FLACC1: variants seen among roughly 807,000 people sequenced by gnomAD.
FLACC1 encodes flagellum associated containing coiled-coil domains 1.
In FLACC1, 66 loss-of-function variants were observed where a neutral mutation model predicts 62.8. The ratio of observed to expected loss-of-function variants is 1.05; its 90% confidence interval spans 0.86 to 1.29. The LOEUF is 1.29. Among genes scored for constraint, FLACC1 ranks in the 50% most tolerant of loss-of-function variants. FLACC1 has a pLI of 0.00. For missense variants in FLACC1, 452 were observed against 489.1 expected (o/e 0.92, Z 0.71); for synonymous variants, 156 against 161.0 (o/e 0.97, Z 0.24).
At chr2:201,293,827 C>T (rs10180658) in intron 12 of FLACC1, among the ~76,000 whole-genome samples, 81,275 of 150,666 alleles carry the variant, frequency 0.54, 22,715 homozygotes, top group East Asian at 0.68. Context: ...CAAAAAAAAA[C>T]GATAAAGGGG....
intron 9 of FLACC1, among the ~76,000 whole-genome samples, chr2:201,309,743 C>T (rs1371049435): frequency 6.6e-6 from 1 of 151,382 alleles, no homozygotes; most frequent in Non-Finnish European, 1.5e-5. Flanking sequence ...CCCATCTCTA[C>T]TAAAAATACA....
rs138648263 is a variant in FLACC1, at chr2:201,330,826, T to C, written c.532A>G (p.Lys178Glu). ...CTGAGTTCTGCTTCATGGGCCTCTT[T>C]GAGCTCCCTGTGGGACCCCAGGAGA... ...QNFENKNREL[K>E]EAHEAELSEL... The change falls in exon 8 of 15, where the codon AAA (lysine) becomes GAA (glutamate). Residue 178 changes from lysine to glutamate, a missense_variant. By Grantham distance (56) the Lys-to-Glu change is moderately conservative. Around this residue, in one of 3 missense-constraint regions of FLACC1, gnomAD observed 301 missense variants for 318.4 expected, o/e 0.95. Transcript: ENST00000392257. 1.9e-6 allele frequency: 3 copies of C among 1,612,838 alleles called. No homozygotes were observed. Among genetic ancestry groups the C allele is most frequent in the Non-Finnish European group, 2.5e-6 (3 of 1,179,932 alleles).
intron 12 of FLACC1, among the ~76,000 whole-genome samples, chr2:201,292,491 C>T (rs1039157217): frequency 6.6e-6 from 1 of 152,190 alleles, no homozygotes; most frequent in African/African-American, 2.4e-5. Flanking sequence ...GATTTGGTCA[C>T]ACCAGGCCTG....
intron 7 of FLACC1, among the ~76,000 whole-genome samples, chr2:201,339,828 A>G (rs1245840770): frequency 1.3e-5 from 2 of 151,746 alleles, no homozygotes; most frequent in African/African-American, 4.8e-5. Context: ...AGGCAGGCCA[A>G]TTCTTGGGCC....
At chr2:201,333,857 AT>A (rs2125597918) in intron 7 of FLACC1, among the ~76,000 whole-genome samples, 1 of 152,286 alleles carries the variant, frequency 6.6e-6, no homozygotes, top group East Asian at 1.9e-4. Context: ...TAGTGCCACA[AT>A]AAACATACGT....
At chr2:201,290,995 T>G (rs1949721501) in intron 12 of FLACC1, among the ~76,000 whole-genome samples, 1 of 152,192 alleles carries the variant, frequency 6.6e-6, no homozygotes, top group Non-Finnish European at 1.5e-5. Context: ...GCGCCCACCA[T>G]TGCTGAGGAT....
the FLACC1 span, among the ~76,000 whole-genome samples, chr2:201,362,619 C>A: frequency 3.9e-5 from 6 of 152,198 alleles, no homozygotes; most frequent in Non-Finnish European, 8.8e-5. Flanking sequence ...CCAGGCAACC[C>A]AGGCTGAGGG....
intron 9 of FLACC1, among the ~76,000 whole-genome samples, chr2:201,314,199 A>T (rs1950268680): frequency 6.6e-6 from 1 of 152,186 alleles, no homozygotes; most frequent in Admixed American, 6.5e-5. Flanking sequence ...CCAGATGTGG[A>T]TCTAAACCAA....
At chr2:201,332,334 C>T (rs926837203) in intron 7 of FLACC1, among the ~76,000 whole-genome samples, 6 of 151,906 alleles carry the variant, frequency 3.9e-5, no homozygotes, top group South Asian at 2.1e-4. Flanking sequence ...CTGCAACCTT[C>T]GCCTCCTGGG....
chr2:201,330,356 A>C (rs1950567867), intron 9 of FLACC1, 114 bp downstream of exon 9: 2 of 1,053,166 alleles, frequency 1.9e-6, no homozygotes, highest in Non-Finnish European at 1.4e-6. Context: ...AGGTCTAAGG[A>C]TGCTGGGAAT....
At chr2:201,303,558 A>G (rs1330015101) in intron 11 of FLACC1, among the ~76,000 whole-genome samples, 1 of 152,214 alleles carries the variant, frequency 6.6e-6, no homozygotes, top group African/African-American at 2.4e-5. Flanking sequence ...AAAAAGAGGG[A>G]ATCTTCCCTA....
intron 9 of FLACC1, among the ~76,000 whole-genome samples, chr2:201,313,730 A>G (rs1950259792): frequency 6.6e-6 from 1 of 152,168 alleles, no homozygotes; most frequent in South Asian, 2.1e-4. Context: ...TCTTGAAAGC[A>G]TCATCTCCTG....
At chr2:201,301,832 A>T (rs939090565) in intron 11 of FLACC1, among the ~76,000 whole-genome samples, 1 of 152,206 alleles carries the variant, frequency 6.6e-6, no homozygotes, top group East Asian at 1.9e-4. Flanking sequence ...ATCCAGCTAA[A>T]CTAAGCTTCA....
intron 9 of FLACC1, among the ~76,000 whole-genome samples, chr2:201,327,830 A>C (rs1461013486): frequency 6.6e-6 from 1 of 152,218 alleles, no homozygotes; most frequent in Non-Finnish European, 1.5e-5. Context: ...AAGGAAAATG[A>C]GTCATTACAG....
Position 201,324,239 on chromosome 2 carries a change from C to T in FLACC1, c.675+6231G>A, listed in dbSNP as rs1006177718. On this transcript the variant is annotated intron_variant, in intron 9 of 14. Transcript: ENST00000392257. ...ATATCAGACGAAACAAACTTCAAAG[C>T]AACAACAGTAAGACAAGACAAAGAT... Among the ~76,000 whole-genome samples the T allele has an allele frequency of 1.1e-4, 16 of 152,082 alleles. 1 individual carries two copies. The highest frequency in any genetic ancestry group is 3.1e-4 in the African/African-American group (13 of 41,428).
intron 14 of FLACC1, 156 bp downstream of exon 14, chr2:201,289,301 G>T: frequency 1.6e-6 from 1 of 636,638 alleles, no homozygotes; most frequent in Non-Finnish European, 2.7e-6. Flanking sequence ...CTGGCTTTGT[G>T]TCACTGGCCT....
intron 5 of FLACC1, 144 bp from the exon 6 acceptor site, chr2:201,344,407 TG>T: frequency 2.1e-6 from 1 of 485,328 alleles, no homozygotes; most frequent in South Asian, 1.9e-5. Context: ...CATTATGGGG[TG>T]GGGGTGGAGG....
At chr2:201,362,559 A>G in the FLACC1 span, among the ~76,000 whole-genome samples, 2 of 152,176 alleles carry the variant, frequency 1.3e-5, no homozygotes, top group African/African-American at 2.4e-5. Flanking sequence ...GCCCTAGTAC[A>G]TGGGAGAGGC....
chr2:201,333,391 T>A (rs1208141582), intron 7 of FLACC1, among the ~76,000 whole-genome samples: 1 of 152,228 alleles, frequency 6.6e-6, no homozygotes, highest in African/African-American at 2.4e-5. Flanking sequence ...ACCCATTTTT[T>A]AATTGGATTT....
Sources: allele counts gnomAD v4.1 joint callset (sites outside exome capture counted in the v4.1 genomes callset), GRCh38; gene constraint gnomAD v4.1.1; regional missense constraint gnomAD v4.1.1; transcripts MANE v1.5; gene names NCBI Gene and HGNC (gene_info 2026-07-23, HGNC 2026-07-21).